The following UQCC6 variants were observed in gnomAD, a reference collection of about 807,000 sequenced individuals.
The protein encoded by UQCC6 is ubiquinol-cytochrome c reductase complex assembly factor 6.
chr12:103,959,641 G>A, the UQCC6 span, among the ~76,000 whole-genome samples: 1 of 151,794 alleles, frequency 6.6e-6, no homozygotes, highest in Admixed American at 6.6e-5. Flanking sequence ...GAATCCAGGA[G>A]GTGGAGGTTG....
At chr12:103,962,238 T>C in the UQCC6 span, among the ~76,000 whole-genome samples, 1 of 152,242 alleles carries the variant, frequency 6.6e-6, no homozygotes, top group East Asian at 1.9e-4. Context: ...TTATCAGATA[T>C]GATCTGCAAA....
the UQCC6 span, chr12:103,956,708 G>A: frequency 6.4e-7 from 1 of 1,551,708 alleles, no homozygotes; most frequent in Non-Finnish European, 8.7e-7. Flanking sequence ...AACATTTTCA[G>A]GTAGGTGGAC....
the UQCC6 span, chr12:103,955,047 G>C: frequency 1.5e-6 from 1 of 675,558 alleles, no homozygotes; most frequent in South Asian, 1.6e-5. Context: ...AGGCACAGTG[G>C]CTCATGCCTG....
At chr12:103,956,317 A>G in the UQCC6 span, 1 of 233,040 alleles carries the variant, frequency 4.3e-6, no homozygotes, top group Non-Finnish European at 8.5e-6. Flanking sequence ...ACAGCAAGGA[A>G]GCAGGCGTGA....
chr12:103,951,145 AC>A, the UQCC6 span: 1 of 156,162 alleles, frequency 6.4e-6, no homozygotes, highest in Non-Finnish European at 1.4e-5. Context: ...TTGAAAAAAA[AC>A]AGTTTAGCAA....
At chr12:103,963,802 G>A in the UQCC6 span, among the ~76,000 whole-genome samples, 2 of 151,984 alleles carry the variant, frequency 1.3e-5, no homozygotes, top group Non-Finnish European at 2.9e-5. Context: ...GCAACCTTGC[G>A]AATCTCACCT....
At chr12:103,954,484 G>C in the UQCC6 span, among the ~76,000 whole-genome samples, 3 of 152,154 alleles carry the variant, frequency 2.0e-5, no homozygotes, top group Non-Finnish European at 4.4e-5. Context: ...GAGAGAGCCA[G>C]GTTCTTTTAA....
chr12:103,964,349 C>G, the UQCC6 span, among the ~76,000 whole-genome samples: 10,332 of 151,986 alleles, frequency 0.068, 498 homozygotes, highest in Non-Finnish European at 0.1. Flanking sequence ...AACTCCTGAC[C>G]TCAGGTGATC....
At chr12:103,959,586 C>T in the UQCC6 span, among the ~76,000 whole-genome samples, 187 of 151,740 alleles carry the variant, frequency 1.2e-3, no homozygotes, top group African/African-American at 4.3e-3. Flanking sequence ...GTGGTGTGCG[C>T]CTGTAGTCCC....
the UQCC6 span, among the ~76,000 whole-genome samples, chr12:103,961,597 C>A: frequency 6.6e-6 from 1 of 152,000 alleles, no homozygotes; most frequent in Non-Finnish European, 1.5e-5. Flanking sequence ...CGCTCTGTTG[C>A]CCAGGCTAGA....
the UQCC6 span, chr12:103,950,679 G>A: frequency 6.6e-6 from 1 of 152,124 alleles, no homozygotes. Context: ...TTCAAAACAG[G>A]AAGAAAATGT....
the UQCC6 span, among the ~76,000 whole-genome samples, chr12:103,963,099 G>A: frequency 6.8e-6 from 1 of 147,796 alleles, no homozygotes; most frequent in African/African-American, 2.5e-5. Context: ...TTTGAGACAG[G>A]GAATCATTCT....
chr12:103,952,287 A>G, the UQCC6 span, among the ~76,000 whole-genome samples: 8 of 152,222 alleles, frequency 5.3e-5, no homozygotes, highest in Admixed American at 3.9e-4. Flanking sequence ...ATGGAATCAT[A>G]TAATATGTGG....
At chr12:103,954,516 A>C in the UQCC6 span, 265 of 163,456 alleles carry the variant, frequency 1.6e-3, no homozygotes, top group African/African-American at 6.3e-3. Flanking sequence ...TCATGAACTA[A>C]TAAAGTGAGA....
chr12:103,955,724 A>G, the UQCC6 span: 1 of 455,708 alleles, frequency 2.2e-6, no homozygotes, highest in Non-Finnish European at 4.4e-6. Flanking sequence ...GCAGAGTCCA[A>G]ACAGAAATGA....
the UQCC6 span, among the ~76,000 whole-genome samples, chr12:103,958,736 TAAAA>T: frequency 6.6e-6 from 1 of 152,166 alleles, no homozygotes; most frequent in African/African-American, 2.4e-5. Context: ...TGTAAATAAA[TAAAA>T]TTTTAAAAAT....
At chr12:103,958,171 G>A in the UQCC6 span, among the ~76,000 whole-genome samples, 1 of 148,950 alleles carries the variant, frequency 6.7e-6, no homozygotes. Context: ...AGCTGAGATC[G>A]CGCCATTGCA....
At chr12:103,956,634 G>T in the UQCC6 span, 10 of 1,547,634 alleles carry the variant, frequency 6.5e-6, no homozygotes, top group Non-Finnish European at 8.7e-6. Flanking sequence ...CACTCACCAG[G>T]TCCGGTCGGT....
the UQCC6 span, chr12:103,951,230 T>C: frequency 4.4e-6 from 1 of 229,508 alleles, no homozygotes; most frequent in Non-Finnish European, 8.3e-6. Flanking sequence ...TTAATTTATA[T>C]GAAATAAAGA....
Sources: allele counts gnomAD v4.1 joint callset (sites outside exome capture counted in the v4.1 genomes callset), GRCh38; gene constraint gnomAD v4.1.1; transcripts MANE v1.5; gene names NCBI Gene and HGNC (gene_info 2026-07-23, HGNC 2026-07-21).